Variants in RBFOX3 observed in about 807,000 individuals in gnomAD.
The protein encoded by RBFOX3 is RNA binding protein fox-1 homolog 3.
Under a neutral mutation model 48.7 loss-of-function variants are expected in RBFOX3, and 17 were observed. That is an observed-to-expected ratio of 0.35 (90% CI 0.24 to 0.52). The LOEUF (loss-of-function observed/expected upper bound fraction) is 0.52, where lower values mean the gene tolerates loss of function less well. Among genes scored for constraint, RBFOX3 ranks in the 20% least tolerant of loss-of-function variants. The pLI, the probability that RBFOX3 is intolerant of heterozygous loss-of-function variation, is 0.94. For missense variants in RBFOX3, 382 were observed against 497.5 expected (o/e 0.77, Z 2.21); for synonymous variants, 212 against 209.5 (o/e 1.01, Z -0.10).
intron 2 of RBFOX3, among the ~76,000 whole-genome samples, chr17:79,463,010 A>G (rs1226450613): frequency 5.6e-4 from 76 of 134,712 alleles, no homozygotes; most frequent in Non-Finnish European, 9.9e-4. Flanking sequence ...CACCTCCACC[A>G]CCATTGCCAC....
chr17:79,346,298 T>C (rs1165485331), intron 2 of RBFOX3, among the ~76,000 whole-genome samples: 1 of 152,240 alleles, frequency 6.6e-6, no homozygotes, highest in Non-Finnish European at 1.5e-5. Context: ...GAGGTAGAGA[T>C]CTAATAGTGT....
chr17:79,523,039 C>T (rs1032344233), intron 1 of RBFOX3, among the ~76,000 whole-genome samples: 52 of 147,720 alleles, frequency 3.5e-4, no homozygotes, highest in Middle Eastern at 3.5e-3. Flanking sequence ...CAGAAAAGGA[C>T]AAATCCCGTA....
intron 2 of RBFOX3, among the ~76,000 whole-genome samples, chr17:79,427,107 C>T (rs1197081134): frequency 6.6e-6 from 1 of 152,222 alleles, no homozygotes; most frequent in Non-Finnish European, 1.5e-5. Flanking sequence ...TCTACATCCT[C>T]AGTTCTCCAG....
At position 79,418,991 on chromosome 17, in the gene RBFOX3, G is replaced by A. The variant is rs934298801; in HGVS notation, c.-175+63463C>T. Among the ~76,000 whole-genome samples the A allele has an allele frequency of 3.9e-5, 6 of 152,142 alleles. No individual in the cohort carries two copies. The East Asian group carries it at 5.8e-4, about 15-fold the overall frequency. ...CCCTCAGTTAAATGTGGATAATTAC[G>A]TCTGCTGGTGTCAAGGGACCGTATC... On this transcript the variant is annotated intron_variant, in intron 2 of 14. Transcript: ENST00000693108. This position sits in a 1 kb window ranked among gnomAD's most constrained non-coding sequence, Gnocchi z 5.0.
chr17:79,176,548 G>T (rs540109951), intron 4 of RBFOX3, among the ~76,000 whole-genome samples: 3 of 152,268 alleles, frequency 2.0e-5, no homozygotes, highest in Non-Finnish European at 4.4e-5. Context: ...AGCTGCGCTG[G>T]TGACACAAGA....
intron 4 of RBFOX3, among the ~76,000 whole-genome samples, chr17:79,125,996 A>AC (rs2037150161): frequency 6.6e-6 from 1 of 151,698 alleles, no homozygotes; most frequent in African/African-American, 2.4e-5. Context: ...AGCCACTACC[A>AC]CCCCCTGCAC....
chr17:79,112,279 C>G (rs1408961703), intron 5 of RBFOX3, among the ~76,000 whole-genome samples: 1 of 152,176 alleles, frequency 6.6e-6, no homozygotes. Context: ...CCAGGAACCC[C>G]ATGTTTCTCT....
intron 1 of RBFOX3, among the ~76,000 whole-genome samples, chr17:79,610,458 C>T (rs1412048721): frequency 6.6e-6 from 1 of 151,932 alleles, no homozygotes; most frequent in Non-Finnish European, 1.5e-5. Flanking sequence ...CCGCCACAGC[C>T]ACCACCACCG....
chr17:79,120,676 G>A (rs1289002105), intron 4 of RBFOX3, among the ~76,000 whole-genome samples: 1 of 140,960 alleles, frequency 7.1e-6, no homozygotes, highest in Non-Finnish European at 1.5e-5. Context: ...ATGGATGGGT[G>A]GATGGTTGGA....
chr17:79,611,130 T>TCTCTCTCTCTCTCTCTCTCTCTCTC (rs1491548376), upstream of RBFOX3, among the ~76,000 whole-genome samples: 509 of 37,812 alleles, frequency 0.013, 219 homozygotes, highest in East Asian at 0.039. Flanking sequence ...TCCGCCCTCC[T>TCTCTCTCTCTCTCTCTCTCTCTCTC]TCTCTCTCTC....
chr17:79,094,282 G>C (rs1400362069), intron 14 of RBFOX3, 169 bp downstream of exon 14: 1 of 503,958 alleles, frequency 2.0e-6, no homozygotes, highest in East Asian at 3.5e-5. Flanking sequence ...GAGAGGGCGT[G>C]AGGGGCCAGC....
At chr17:79,315,396 C>T (rs997220342) in intron 2 of RBFOX3, among the ~76,000 whole-genome samples, 6 of 152,180 alleles carry the variant, frequency 3.9e-5, no homozygotes, top group East Asian at 1.9e-4. Context: ...GATGCAGAGG[C>T]GGCTTTTCCC....
intron 2 of RBFOX3, among the ~76,000 whole-genome samples, chr17:79,355,363 T>C (rs1164373372): frequency 6.6e-6 from 1 of 152,174 alleles, no homozygotes; most frequent in Non-Finnish European, 1.5e-5. Flanking sequence ...CACAACTCCA[T>C]TGACTTTGCC....
chr17:79,594,037 T>G (rs2093498595), intron 1 of RBFOX3, among the ~76,000 whole-genome samples: 1 of 152,000 alleles, frequency 6.6e-6, no homozygotes, highest in South Asian at 2.1e-4. Context: ...AGCACGCAAT[T>G]GAGGAAAATG....
rs1017869760 is a variant in RBFOX3 at position 79,361,443 on chromosome 17, C to T, written c.-174-53619G>A. ...GATGCTGGGAGGACCCTCACGGTGGCCCTTGGTTACTGGAGTCACCAGGAC... is the reference window on the plus strand; with the variant it reads ...GATGCTGGGAGGACCCTCACGGTGGTCCTTGGTTACTGGAGTCACCAGGAC... On this transcript the variant is annotated intron_variant, in intron 2 of 14. Coordinates refer to ENST00000693108, the MANE Select transcript of RBFOX3 (RefSeq NM_001350451.2). The surrounding 1 kb of genome is among the most constrained non-coding windows in gnomAD (Gnocchi z 4.5). Among the ~76,000 whole-genome samples the T allele has an allele frequency of 2.0e-5, 3 of 152,190 alleles. No individual in the cohort carries two copies. The highest frequency in any genetic ancestry group is 2.9e-5 in the Non-Finnish European group (2 of 68,040).
chr17:79,182,769 C>T (rs1438953379), intron 4 of RBFOX3, among the ~76,000 whole-genome samples: 1 of 151,796 alleles, frequency 6.6e-6, no homozygotes, highest in Non-Finnish European at 1.5e-5. Flanking sequence ...GGCCCACCTC[C>T]CCCGCCTCCC....
intron 1 of RBFOX3, among the ~76,000 whole-genome samples, chr17:79,573,533 A>G (rs2092754611): frequency 6.6e-6 from 1 of 152,146 alleles, no homozygotes; most frequent in Non-Finnish European, 1.5e-5. Flanking sequence ...GAGGCCCTTC[A>G]AGGCTTTCAC....
intron 1 of RBFOX3, among the ~76,000 whole-genome samples, chr17:79,586,141 T>C (rs2093242394): frequency 6.6e-6 from 1 of 152,164 alleles, no homozygotes; most frequent in Non-Finnish European, 1.5e-5. Flanking sequence ...TCTACTTCCT[T>C]GCCCTTTGAA....
Position 79,217,319 on chromosome 17 carries a change from C to G in RBFOX3, c.-34+18447G>C, listed in dbSNP as rs74001691. 4.5e-3 allele frequency among the ~76,000 whole-genome samples: 687 copies of G among 152,294 alleles called. 3 individuals are homozygous for G. Among genetic ancestry groups the G allele is most frequent in the African/African-American group, 0.016 (661 of 41,560 alleles). ...CATGGGAGGTGGAGATATGTTCACT[C>G]GAGGATGGGAGAGGAGGCTGCACAA... On this transcript the variant is annotated intron_variant, in intron 4 of 14. Coordinates refer to ENST00000693108, the MANE Select transcript of RBFOX3 (RefSeq NM_001350451.2).
Sources: gnomAD v4.1 joint callset for allele counts (sites outside exome capture counted in the v4.1 genomes callset) on GRCh38, gnomAD v4.1.1 for gene constraint, Gnocchi (gnomAD v3.1) non-coding constraint, MANE v1.5 for transcripts, NCBI Gene and HGNC (gene_info 2026-07-23, HGNC 2026-07-21) for gene names.